CHCHD3: variants seen among roughly 807,000 people sequenced by gnomAD.
CHCHD3 encodes the protein coiled-coil-helix-coiled-coil-helix domain containing 3.
In CHCHD3, 20 loss-of-function variants were observed where a neutral mutation model predicts 38.2. That is an observed-to-expected ratio of 0.52 (90% CI 0.37 to 0.76). CHCHD3 has a LOEUF of 0.76. Among genes scored for constraint, CHCHD3 ranks in the 30% least tolerant of loss-of-function variants. The probability of loss-of-function intolerance (pLI) is 0.00; values close to 1 mark genes in which losing one functional copy is unlikely to be tolerated. For missense variants in CHCHD3, 245 were observed against 279.2 expected (o/e 0.88, Z 0.87); for synonymous variants, 82 against 100.0 (o/e 0.82, Z 1.07).
intron 2 of CHCHD3, among the ~76,000 whole-genome samples, chr7:133,066,656 G>A (rs756716210): frequency 3.3e-5 from 5 of 152,124 alleles, no homozygotes; most frequent in African/African-American, 4.8e-5. Flanking sequence ...GAGAAGGGAT[G>A]GGTCCCTCAG....
chr7:133,012,086 A>G (rs1011130297), intron 3 of CHCHD3, among the ~76,000 whole-genome samples: 2 of 152,300 alleles, frequency 1.3e-5, no homozygotes, highest in African/African-American at 4.8e-5. Context: ...TTAGACTAGC[A>G]TTATCCACAT....
intron 2 of CHCHD3, among the ~76,000 whole-genome samples, chr7:133,061,854 G>A (rs1379571004): frequency 6.6e-6 from 1 of 152,162 alleles, no homozygotes; most frequent in Non-Finnish European, 1.5e-5. Context: ...CTTCTATAAT[G>A]ATCCACATGG....
intron 3 of CHCHD3, among the ~76,000 whole-genome samples, chr7:133,003,099 T>A (rs916117550): frequency 6.6e-6 from 1 of 152,148 alleles, no homozygotes; most frequent in African/African-American, 2.4e-5. Flanking sequence ...GAAAAATAAA[T>A]CCTGAAAGCA....
intron 3 of CHCHD3, among the ~76,000 whole-genome samples, chr7:133,015,013 T>C (rs1048792700): frequency 2.6e-5 from 4 of 152,162 alleles, no homozygotes; most frequent in African/African-American, 7.2e-5. Flanking sequence ...TAAACTGCCA[T>C]TGTCACTGAA....
intron 2 of CHCHD3, 137 bp from the exon 3 acceptor site, chr7:133,024,764 A>T: frequency 1.5e-6 from 1 of 670,544 alleles, no homozygotes; most frequent in Non-Finnish European, 2.7e-6. Flanking sequence ...TCTCCTTGGA[A>T]CTTCTCAAGC....
chr7:132,834,996 G>C (rs1169191253), intron 6 of CHCHD3, among the ~76,000 whole-genome samples: 1 of 148,452 alleles, frequency 6.7e-6, no homozygotes, highest in Non-Finnish European at 1.5e-5. Context: ...TTAGAGACAG[G>C]GTCTTGATCT....
At chr7:132,828,732 C>G (rs905445027) in intron 6 of CHCHD3, among the ~76,000 whole-genome samples, 1 of 152,092 alleles carries the variant, frequency 6.6e-6, no homozygotes, top group African/African-American at 2.4e-5. Context: ...CTGACTGAAA[C>G]CAGGGAAGGG....
chr7:132,855,937 A>C (rs888839612), intron 5 of CHCHD3, among the ~76,000 whole-genome samples: 4 of 152,184 alleles, frequency 2.6e-5, no homozygotes, highest in African/African-American at 9.6e-5. Flanking sequence ...ATAGAGGACC[A>C]GTAAACAAGT....
At chr7:132,927,165 A>G (rs1810398122) in intron 4 of CHCHD3, among the ~76,000 whole-genome samples, 1 of 152,238 alleles carries the variant, frequency 6.6e-6, no homozygotes, top group South Asian at 2.1e-4. Context: ...CATACAATAC[A>G]TATTAGCTCA....
intron 4 of CHCHD3, among the ~76,000 whole-genome samples, chr7:132,937,673 C>T (rs1326458920): frequency 6.6e-6 from 1 of 152,200 alleles, no homozygotes; most frequent in African/African-American, 2.4e-5. Flanking sequence ...TATTAGGCAG[C>T]AGTGCCTACT....
chr7:132,839,863 T>C (rs1807893566), intron 5 of CHCHD3, among the ~76,000 whole-genome samples: 2 of 152,354 alleles, frequency 1.3e-5, no homozygotes, highest in South Asian at 2.1e-4. Context: ...CCTACGATGC[T>C]AACATTTACT....
intron 4 of CHCHD3, among the ~76,000 whole-genome samples, chr7:132,932,343 T>C (rs1810533727): frequency 6.6e-6 from 1 of 152,066 alleles, no homozygotes; most frequent in South Asian, 2.1e-4. Flanking sequence ...TCATGTAATG[T>C]GACATGAAAA....
At chr7:133,002,108 C>T (rs1812590365) in intron 3 of CHCHD3, among the ~76,000 whole-genome samples, 1 of 152,076 alleles carries the variant, frequency 6.6e-6, no homozygotes, top group African/African-American at 2.4e-5. Context: ...GAATTCAAAC[C>T]CAAGTGGTCT....
chr7:132,969,535 A>G (rs1811559278), intron 4 of CHCHD3, among the ~76,000 whole-genome samples: 1 of 152,166 alleles, frequency 6.6e-6, no homozygotes, highest in Non-Finnish European at 1.5e-5. Flanking sequence ...TTGATTGCTA[A>G]TTTTTGTATT....
In CHCHD3 at chr7:132,948,756, G is replaced by A. The variant is rs370438730; in HGVS notation, c.369+26413C>T. ...ACTTTAAAATGGCAAAACAGATTTT[G>A]AAGACATTTTCTGTAATTAAAACGG... On this transcript the variant is annotated intron_variant, in intron 4 of 7. Coordinates refer to ENST00000262570, the MANE Select transcript of CHCHD3 (RefSeq NM_017812.4). Among the ~76,000 whole-genome samples, 22 of 152,210 alleles carry A rather than the reference G, an allele frequency of 1.4e-4. No individual in the cohort carries two copies. The East Asian group carries it at 3.9e-3, about 27-fold the overall frequency.
chr7:132,990,114 A>G (rs993081541), intron 3 of CHCHD3, among the ~76,000 whole-genome samples: 3 of 152,182 alleles, frequency 2.0e-5, no homozygotes, highest in African/African-American at 7.2e-5. Context: ...CAGAGGTTGC[A>G]GTGAGCCGAG....
intron 5 of CHCHD3, among the ~76,000 whole-genome samples, chr7:132,868,503 T>C (rs1490596729): frequency 6.6e-6 from 1 of 152,156 alleles, no homozygotes; most frequent in African/African-American, 2.4e-5. Flanking sequence ...GGCCAACATA[T>C]GCTGAGACCT....
At position 132,946,749 on chromosome 7, in the gene CHCHD3, T is replaced by C. The variant is rs148081804; in HGVS notation, c.369+28420A>G. On this transcript the variant is annotated intron_variant, in intron 4 of 7. Transcript: ENST00000262570. ...ACTTGCATCTTTATTACTGAGATTA[T>C]ACCCTGAAATATGTGATAGTTTACC... Among the ~76,000 whole-genome samples, 136 of 152,012 alleles carry C rather than the reference T, an allele frequency of 8.9e-4. No homozygotes were observed. The Middle Eastern group carries it at 0.031, about 34-fold the overall frequency.
chr7:132,803,246 G>A (rs7802482), intron 6 of CHCHD3, among the ~76,000 whole-genome samples: 21,596 of 152,034 alleles, frequency 0.14, 1,632 homozygotes, highest in Middle Eastern at 0.2. Context: ...TGTTAAATCC[G>A]AATCTCCAAA....
Sources: allele counts gnomAD v4.1 joint callset (sites outside exome capture counted in the v4.1 genomes callset), GRCh38; gene constraint gnomAD v4.1.1; transcripts MANE v1.5; gene names NCBI Gene and HGNC (gene_info 2026-07-23, HGNC 2026-07-21).